The following LIG3 variants were observed in gnomAD, a reference collection of about 807,000 sequenced individuals.
LIG3 encodes DNA ligase 3.
Under a neutral mutation model 110.9 loss-of-function variants are expected in LIG3, and 58 were observed. The observed-to-expected ratio is 0.52, with a 90% CI of 0.42 to 0.65. The LOEUF (loss-of-function observed/expected upper bound fraction) is 0.65, where lower values mean the gene tolerates loss of function less well. Among genes scored for constraint, LIG3 ranks in the 30% least tolerant of loss-of-function variants. The pLI, the probability that LIG3 is intolerant of heterozygous loss-of-function variation, is 0.00. For missense variants in LIG3, 1,094 were observed against 1,273.8 expected (o/e 0.86, Z 2.15); for synonymous variants, 422 against 472.8 (o/e 0.89, Z 1.39).
intron 9 of LIG3, 123 bp from the exon 10 acceptor site, chr17:34,995,941 A>G: frequency 2.4e-6 from 3 of 1,248,248 alleles, no homozygotes; most frequent in Non-Finnish European, 3.4e-6. Flanking sequence ...TGTTTTGCAC[A>G]TTAGCTGGGC....
At chr17:34,998,485 A>T in intron 13 of LIG3, 119 bp from the exon 14 acceptor site, 1 of 1,310,176 alleles carries the variant, frequency 7.6e-7, no homozygotes, top group Non-Finnish European at 1.1e-6. Context: ...CTGGAGCCTG[A>T]GGGCTCTTAC....
chr17:35,000,667 G>A (rs1398309517), intron 16 of LIG3, among the ~76,000 whole-genome samples: 1 of 143,618 alleles, frequency 7.0e-6, no homozygotes, highest in Non-Finnish European at 1.5e-5. Flanking sequence ...CCAGGCTGGA[G>A]TGCAGTGGCA....
chr17:35,003,203 G>A lies in LIG3; in HGVS notation c.2796+414G>A, dbSNP rs145615564. 174 of 1,484,188 alleles carry A rather than the reference G, an allele frequency of 1.2e-4. No individual in the cohort carries two copies. In the African/African-American group the frequency reaches 1.7e-3, roughly 15 times the overall value. 91.9% of individuals were successfully genotyped at this position (1,484,188 alleles called of 1,614,324 possible). On this transcript the variant is annotated intron_variant, in intron 19 of 19. Coordinates refer to ENST00000378526, the MANE Select transcript of LIG3 (RefSeq NM_013975.4). ...AAGCAGGTCCAGCAAGCAGCGAGTC[G>A]GGGAGAGGGCACTGGCTTGGTGACT... is the stretch of plus-strand genomic sequence containing the variant.
Position 35,009,569 on chromosome 17 carries a change from G to A in LIG3, c.*5063G>A, listed in dbSNP as rs749311411. ...TCTTGGAACTCCCAACTTTAATTTGGTGTAATAAAAATGATGCAAAAAAAA... is the reference window on the plus strand; with the variant it reads ...TCTTGGAACTCCCAACTTTAATTTGATGTAATAAAAATGATGCAAAAAAAA... On this transcript the variant is annotated 3_prime_UTR_variant, in exon 20 of 20. Transcript: ENST00000378526. 8 of 150,630 alleles carry A rather than the reference G, an allele frequency of 5.3e-5. No individual in the cohort carries two copies. The highest frequency in any genetic ancestry group is 8.8e-5 in the Non-Finnish European group (6 of 67,876). The allele number at this position is 150,630 out of a possible 1,614,324, so 9.3% of individuals were successfully genotyped here.
At chr17:34,998,943 A>G (rs79087718) in intron 14 of LIG3, 313 of 541,616 alleles carry the variant, frequency 5.8e-4, no homozygotes, top group Non-Finnish European at 9.2e-4. Flanking sequence ...CTAGCCTAGC[A>G]GAAGGACGCT....
At position 34,992,536 on chromosome 17, in the gene LIG3, T is replaced by C. The variant is rs769235713; in HGVS notation, c.1299T>C (p.Leu433=). ...TACCCCTTGGCAGGTTAGACGCCCT[T>C]GACCCCAATGCCTATGAAGCCTTCA... The part of the protein sequence containing the change: ...NSGAKHVLDA[L]DPNAYEAFKA... The change falls in exon 8 of 20, where the codon CTT becomes CTC. Residue 433 remains leucine (L), a synonymous_variant. Transcript: ENST00000378526. 6 of 1,599,350 alleles carry C rather than the reference T, an allele frequency of 3.8e-6. No homozygotes were observed. The highest frequency in any genetic ancestry group is 1.1e-5 in the South Asian group (1 of 89,020).
chr17:35,005,279 A>G lies in LIG3; in HGVS notation c.*773A>G. The G allele has an allele frequency of 1.9e-6, 1 of 531,600 alleles. No individual in the cohort carries two copies. Among genetic ancestry groups the G allele is most frequent in the Non-Finnish European group, 3.8e-6 (1 of 263,332 alleles). 32.9% of individuals were successfully genotyped at this position (531,600 alleles called of 1,614,324 possible). On this transcript the variant is annotated 3_prime_UTR_variant, in exon 20 of 20. Coordinates refer to ENST00000378526, the MANE Select transcript of LIG3 (RefSeq NM_013975.4). ...ATCCACATGGGGCTTGAGGCCAAGA[A>G]CAGCCCTTGTTGCCACCAACATGGA...
chr17:34,982,033 C>A (rs1384641585), intron 1 of LIG3, among the ~76,000 whole-genome samples: 1 of 152,174 alleles, frequency 6.6e-6, no homozygotes, highest in Admixed American at 6.5e-5. Flanking sequence ...AGAGCTCTTG[C>A]TGTGTGCCCA....
In LIG3 at chr17:35,009,083, C is replaced by T. The variant is rs2090917547; in HGVS notation, c.*4577C>T. 1 of 152,618 alleles carries T rather than the reference C, an allele frequency of 6.6e-6. No homozygotes were observed. Among genetic ancestry groups the T allele is most frequent in the African/African-American group, 2.4e-5 (1 of 41,442 alleles). The allele number at this position is 152,618 out of a possible 1,614,324, so 9.5% of individuals were successfully genotyped here. ...CAGGCTCTTTTGTCAGTCCTATCAA[C>T]CTCTAACATCCTCGCACCAGACAGG... On this transcript the variant is annotated 3_prime_UTR_variant, in exon 20 of 20. Transcript: ENST00000378526.
intron 2 of LIG3, among the ~76,000 whole-genome samples, chr17:34,985,740 T>C (rs1241902224): frequency 1.2e-4 from 19 of 152,164 alleles, no homozygotes; most frequent in Non-Finnish European, 1.5e-5. Flanking sequence ...TGATGAAAAT[T>C]TAAGGTACTA....
chr17:34,980,905 C>A (rs1299603359), intron 1 of LIG3: 1 of 152,556 alleles, frequency 6.6e-6, no homozygotes, highest in East Asian at 1.9e-4. Flanking sequence ...GTACCCTGGC[C>A]CGGCGTGCGT....
chr17:35,004,614 C>A lies in LIG3; in HGVS notation c.*108C>A. 1.2e-6 allele frequency: 1 copy of A among 853,032 alleles called. No homozygotes were observed. Among genetic ancestry groups the A allele is most frequent in the Non-Finnish European group, 1.9e-6 (1 of 538,080 alleles). 52.8% of individuals were successfully genotyped at this position (853,032 alleles called of 1,614,324 possible). Reference sequence around the variant, plus strand: ...CAGTATAGGGGGAATGGGCTTGCTTCTCCCAAACCCACCAGTTCTCCACTG... The same window carrying A: ...CAGTATAGGGGGAATGGGCTTGCTTATCCCAAACCCACCAGTTCTCCACTG... On this transcript the variant is annotated 3_prime_UTR_variant, in exon 20 of 20. Coordinates refer to ENST00000378526, the MANE Select transcript of LIG3 (RefSeq NM_013975.4).
chr17:34,989,555 T>C lies in LIG3; in HGVS notation c.781T>C (p.Cys261Arg). The C allele has an allele frequency of 6.2e-7, 1 of 1,614,128 alleles. No homozygotes were observed. Among genetic ancestry groups the C allele is most frequent in the Non-Finnish European group, 8.5e-7 (1 of 1,180,020 alleles). ...CAAATGTGACCCCAGGCATAAGGAC[T>C]GTCTGCTACGGGAGTTTCGAAAGTT... is the stretch of plus-strand genomic sequence containing the variant. ...SSKCDPRHKDCLLREFRKLCA... is the reference protein window; with the variant it reads ...SSKCDPRHKDRLLREFRKLCA... The change falls in exon 4 of 20, where the codon TGT (cysteine) becomes CGT (arginine). Residue 261 changes from cysteine (C) to arginine (R), a missense_variant. Coordinates refer to ENST00000378526, the MANE Select transcript of LIG3 (RefSeq NM_013975.4).
intron 2 of LIG3, among the ~76,000 whole-genome samples, chr17:34,983,889 T>C (rs911015228): frequency 4.6e-5 from 7 of 152,250 alleles, no homozygotes; most frequent in Non-Finnish European, 8.8e-5. Context: ...CTTTTACCCA[T>C]ATTTACCTAT....
At chr17:34,984,538 C>T (rs1202473997) in intron 2 of LIG3, among the ~76,000 whole-genome samples, 11 of 152,130 alleles carry the variant, frequency 7.2e-5, no homozygotes. Flanking sequence ...CCTTCCCCAG[C>T]CCTGAAATTG....
At chr17:34,997,852 T>C in intron 12 of LIG3, 27 bp downstream of exon 12, 3 of 1,576,484 alleles carry the variant, frequency 1.9e-6, no homozygotes, top group South Asian at 1.1e-5. Context: ...TGCTAGGCAG[T>C]GTCCTAGAAG....
chr17:34,982,373 G>A (rs757814887), intron 1 of LIG3, among the ~76,000 whole-genome samples: 1 of 152,106 alleles, frequency 6.6e-6, no homozygotes. Flanking sequence ...GGCCAGGCAC[G>A]GTGGCTCATG....
intron 15 of LIG3, 122 bp from the exon 16 acceptor site, chr17:34,999,660 A>G: frequency 9.1e-7 from 1 of 1,099,162 alleles, no homozygotes; most frequent in South Asian, 1.4e-5. Flanking sequence ...CTGGGCTGGG[A>G]GGATCACATG....
intron 11 of LIG3, chr17:34,997,456 C>A: frequency 2.8e-6 from 1 of 362,982 alleles, no homozygotes; most frequent in Admixed American, 3.6e-5. Context: ...AGAATTTATA[C>A]AATCTGGGCT....
Sources: allele counts gnomAD v4.1 joint callset (sites outside exome capture counted in the v4.1 genomes callset), GRCh38; gene constraint gnomAD v4.1.1; transcripts MANE v1.5; gene names NCBI Gene and HGNC (gene_info 2026-07-23, HGNC 2026-07-21).